Variants in ZNF57 observed in about 807,000 individuals in gnomAD.
ZNF57 encodes the protein zinc finger protein 424.
ZNF57 carries 11 observed loss-of-function variants against 13.4 expected under a neutral mutation model. The observed-to-expected ratio is 0.82, with a 90% CI of 0.52 to 1.36. The LOEUF is 1.36. Ranked by LOEUF, ZNF57 falls within the 40% of genes most tolerant of loss-of-function variation. ZNF57 has a pLI of 0.00. For synonymous variants in ZNF57, 224 were observed against 238.5 expected (o/e 0.94, Z 0.56); for missense variants, 696 against 667.5 (o/e 1.04, Z -0.47).
rs1443768365 is a variant in ZNF57, at chr19:2,917,649, A to C, written c.1028A>C (p.Lys343Thr). Residue 343 changes from lysine (K) to threonine (T), a missense_variant, in exon 4 of 4, where the codon AAG becomes ACG. Physicochemically the swap from Lys to Thr is moderately conservative, Grantham distance 78. This residue lies in a region of ZNF57 where 645 missense variants were observed against 591.5 expected (regional missense o/e 1.09). Transcript: ENST00000306908. Reference sequence around the variant, plus strand: ...CTCTATAAATGTGAACACTGTGGGAAGGCTTTTACCTCTTCCAGATCATTC... The same window carrying C: ...CTCTATAAATGTGAACACTGTGGGACGGCTTTTACCTCTTCCAGATCATTC... ...DKLYKCEHCGKAFTSSRSFQG... is the reference protein window; with the variant it reads ...DKLYKCEHCGTAFTSSRSFQG... The C allele has an allele frequency of 5.0e-6, 8 of 1,613,828 alleles. No homozygotes were observed. Among genetic ancestry groups the C allele is most frequent in the Non-Finnish European group, 6.8e-6 (8 of 1,179,846 alleles).
At chr19:2,913,930 C>T (rs555306943) in intron 1 of ZNF57, among the ~76,000 whole-genome samples, 32 of 151,894 alleles carry the variant, frequency 2.1e-4, no homozygotes, top group East Asian at 5.9e-4. Context: ...CGTGAGCCAC[C>T]GCGCCCGGCC....
At chr19:2,911,616 C>G (rs181818684) in intron 1 of ZNF57, among the ~76,000 whole-genome samples, 3 of 152,200 alleles carry the variant, frequency 2.0e-5, no homozygotes, top group African/African-American at 7.2e-5. Flanking sequence ...GAACTCCTGG[C>G]CTCAAGCAAT....
intron 1 of ZNF57, among the ~76,000 whole-genome samples, chr19:2,905,613 A>C (rs1347941867): frequency 1.3e-5 from 2 of 151,574 alleles, no homozygotes; most frequent in Non-Finnish European, 1.5e-5. Context: ...AAAATACAAA[A>C]AATTAGCCGG....
intron 1 of ZNF57, among the ~76,000 whole-genome samples, chr19:2,902,195 G>A (rs562360923): frequency 6.6e-6 from 1 of 150,682 alleles, no homozygotes; most frequent in South Asian, 2.1e-4. Context: ...GGACGGCCTG[G>A]GGGTCAGAGG....
chr19:2,911,456 C>T (rs961978623), intron 1 of ZNF57, among the ~76,000 whole-genome samples: 1 of 152,110 alleles, frequency 6.6e-6, no homozygotes, highest in Non-Finnish European at 1.5e-5. Flanking sequence ...TCTCCTGAAC[C>T]CGAGAGGCAG....
Position 2,918,049 on chromosome 19 carries a change from T to A in ZNF57, c.1428T>A (p.Tyr476Ter), listed in dbSNP as rs746455334. ...HLRMHTGEKP[Y>*]ECKQCGKTFT... is the part of the protein sequence containing the mutation. ...GGATGCACACTGGAGAGAAGCCTTATGAGTGTAAACAATGTGGAAAAACCT... is the reference window on the plus strand; with the variant it reads ...GGATGCACACTGGAGAGAAGCCTTAAGAGTGTAAACAATGTGGAAAAACCT... The change falls in exon 4 of 4, where the codon TAT becomes TAA. Residue 476 changes from tyrosine (Y) to a stop codon, truncating the protein, a stop_gained. Transcript: ENST00000306908. LOFTEE classifies it low-confidence loss of function (END_TRUNC). 53 of 1,613,974 alleles carry A rather than the reference T, an allele frequency of 3.3e-5. No individual in the cohort carries two copies. The highest frequency in any genetic ancestry group is 4.4e-5 in the Non-Finnish European group (52 of 1,180,022).
intron 1 of ZNF57, among the ~76,000 whole-genome samples, chr19:2,901,682 G>C (rs1405761254): frequency 6.6e-6 from 1 of 152,010 alleles, no homozygotes; most frequent in Non-Finnish European, 1.5e-5. Flanking sequence ...CCTCACGCCC[G>C]GCTAATTTTT....
rs1187600706 is a variant in ZNF57, at chr19:2,916,952, C to G, written c.331C>G (p.His111Asp). 1 of 1,606,748 alleles carries G rather than the reference C, an allele frequency of 6.2e-7. No homozygotes were observed. The highest frequency in any genetic ancestry group is 8.5e-7 in the Non-Finnish European group (1 of 1,176,742). Residue 111 changes from histidine (H) to aspartate (D), a missense_variant, in exon 4 of 4, where the codon CAT (histidine) becomes GAT (aspartate). His to Asp is a moderately conservative substitution (Grantham distance 81). Transcript: ENST00000306908. ...RNHMVDRFCT[H>D]NEGNQYGEAI... ...TCATATGGTGGACAGATTCTGTACA[C>G]ATAATGAAGGTAATCAATATGGAGA... is the stretch of plus-strand genomic sequence containing the variant.
chr19:2,917,290 C>G lies in ZNF57; in HGVS notation c.669C>G (p.Thr223=). The G allele has an allele frequency of 6.2e-7, 1 of 1,614,088 alleles. No individual in the cohort carries two copies. Among genetic ancestry groups the G allele is most frequent in the Non-Finnish European group, 8.5e-7 (1 of 1,179,952 alleles). ...TAAAGACTCACACAGCAGAGAAAAC[C>G]TACAAATGCGAGCAGTGTCGGATGG... is the stretch of plus-strand genomic sequence containing the variant. ...HHVKTHTAEK[T]YKCEQCRMAF... The change falls in exon 4 of 4, where the codon ACC becomes ACG. Residue 223 remains threonine (T), a synonymous_variant. Transcript: ENST00000306908.
intron 1 of ZNF57, among the ~76,000 whole-genome samples, chr19:2,902,527 G>C (rs1266702406): frequency 1.3e-5 from 2 of 152,152 alleles, no homozygotes; most frequent in African/African-American, 4.8e-5. Context: ...ATAGCAGCTA[G>C]AGATGGATTA....
chr19:2,915,230 A>G (rs1378018720), intron 1 of ZNF57: 2 of 275,976 alleles, frequency 7.2e-6, no homozygotes, highest in Admixed American at 9.4e-5. Flanking sequence ...CTGCTGCGTT[A>G]TGCAACGTTT....
At chr19:2,901,500 G>A (rs528544850) in intron 1 of ZNF57, among the ~76,000 whole-genome samples, 1 of 149,864 alleles carries the variant, frequency 6.7e-6, no homozygotes, top group South Asian at 2.1e-4. Flanking sequence ...AAGGGTGATG[G>A]GATTATTATT....
rs937824063 is a variant in ZNF57, at chr19:2,915,312, G to A, written c.4-210G>A. On this transcript the variant is annotated intron_variant, in intron 1 of 3. Coordinates refer to ENST00000306908, the MANE Select transcript of ZNF57 (RefSeq NM_173480.3). ...CTGGTAGAGGAAAATAAGAGCAGTC[G>A]CAGTAAAAAGGCAGAGATAAGTTCA... 6.9e-5 allele frequency: 36 copies of A among 521,852 alleles called. No individual in the cohort carries two copies. The Admixed American group carries it at 1.1e-3, about 17-fold the overall frequency. 32.3% of individuals were successfully genotyped at this position (521,852 alleles called of 1,614,324 possible).
In ZNF57 at chr19:2,915,338, G is replaced by C. The variant is rs939867164; in HGVS notation, c.4-184G>C. On this transcript the variant is annotated intron_variant, in intron 1 of 3. Coordinates refer to ENST00000306908, the MANE Select transcript of ZNF57 (RefSeq NM_173480.3). ...CAGTAAAAAGGCAGAGATAAGTTCAGACTGATAGTGGTGCCATGAAGTTTA... is the reference window on the plus strand; with the variant it reads ...CAGTAAAAAGGCAGAGATAAGTTCACACTGATAGTGGTGCCATGAAGTTTA... 51 of 706,518 alleles carry C rather than the reference G, an allele frequency of 7.2e-5. 1 individual carries two copies. The Admixed American group carries it at 1.5e-3, about 21-fold the overall frequency. 43.8% of individuals were successfully genotyped at this position (706,518 alleles called of 1,614,324 possible). A position where few individuals can be genotyped will look rare whatever the true frequency, so the allele number is the denominator to read the frequency against.
rs1320606060 is a variant in ZNF57 at position 2,917,531 on chromosome 19, G to C, written c.910G>C (p.Gly304Arg). ...TCAAAGACATGAGAAGACGCACACGGGAGAGAAGCCCTATGAATGCAAGCA... is the reference window on the plus strand; with the variant it reads ...TCAAAGACATGAGAAGACGCACACGCGAGAGAAGCCCTATGAATGCAAGCA... ...AFQRHEKTHT[G>R]EKPYECKQCG... Residue 304 changes from glycine to arginine, a missense_variant, in exon 4 of 4, where the codon GGA becomes CGA. Around this residue, in one of 3 missense-constraint regions of ZNF57, gnomAD observed 645 missense variants for 591.5 expected, o/e 1.09. Transcript: ENST00000306908. 3 of 1,613,716 alleles carry C rather than the reference G, an allele frequency of 1.9e-6. No homozygotes were observed. The highest frequency in any genetic ancestry group is 1.7e-6 in the Non-Finnish European group (2 of 1,179,936).
chr19:2,908,818 G>A (rs902471990), intron 1 of ZNF57, among the ~76,000 whole-genome samples: 6 of 152,052 alleles, frequency 3.9e-5, no homozygotes, highest in South Asian at 4.2e-4. Flanking sequence ...CTATTGCCCC[G>A]GAGCCCCTCC....
intron 1 of ZNF57, among the ~76,000 whole-genome samples, chr19:2,914,210 TTA>T (rs2088167894): frequency 6.6e-6 from 1 of 152,178 alleles, no homozygotes; most frequent in Non-Finnish European, 1.5e-5. Context: ...GAATGGGTGT[TTA>T]TGTTTCAACT....
rs2088212126 is a variant in ZNF57, at chr19:2,917,254, C to T, written c.633C>T (p.Leu211=). Reference sequence around the variant, plus strand: ...AAACTTTCCAACATCCTCGTTACCTCTCCCACCACGTAAAGACTCACACAG... The same window carrying T: ...AAACTTTCCAACATCCTCGTTACCTTTCCCACCACGTAAAGACTCACACAG... ...CGQTFQHPRY[L]SHHVKTHTAE... The change falls in exon 4 of 4, where the codon CTC becomes CTT. Residue 211 remains leucine, a synonymous_variant. Transcript: ENST00000306908. 6.2e-7 allele frequency: 1 copy of T among 1,614,206 alleles called. No individual in the cohort carries two copies. The highest frequency in any genetic ancestry group is 1.3e-5 in the African/African-American group (1 of 75,056).
intron 1 of ZNF57, among the ~76,000 whole-genome samples, chr19:2,914,086 T>C (rs1034160970): frequency 2.0e-5 from 3 of 152,230 alleles, no homozygotes; most frequent in African/African-American, 7.2e-5. Flanking sequence ...ATGTCTGCTA[T>C]GTCTAAATGA....
Sources: gnomAD v4.1 joint callset for allele counts (sites outside exome capture counted in the v4.1 genomes callset) on GRCh38, gnomAD v4.1.1 for gene constraint, gnomAD v4.1.1 regional missense constraint, MANE v1.5 for transcripts, NCBI Gene and HGNC (gene_info 2026-07-23, HGNC 2026-07-21) for gene names.